Variants in DDRGK1 observed in about 807,000 individuals in gnomAD.
DDRGK1 encodes the protein DDRGK domain-containing protein 1.
In DDRGK1, 38 loss-of-function variants were observed where a neutral mutation model predicts 45.8. The ratio of observed to expected loss-of-function variants is 0.83; its 90% CI spans 0.64 to 1.09. DDRGK1 has a LOEUF of 1.09. DDRGK1 is among the 50% of genes least tolerant of loss of function. DDRGK1 has a pLI of 0.00. For synonymous variants in DDRGK1, 171 were observed against 168.7 expected, an observed-to-expected ratio of 1.01 and a Z score of -0.11; for missense variants, 403 against 419.9, an observed-to-expected ratio of 0.96 and a Z score of 0.35.
chr20:3,194,990 C>T, intron 5 of DDRGK1, 122 bp from the exon 6 acceptor site: 1 of 1,403,044 alleles, frequency 7.1e-7, no homozygotes. Flanking sequence ...CTTTGGCCCG[C>T]CCAACCACCT....
intron 4 of DDRGK1, 83 bp downstream of exon 4, chr20:3,199,918 T>C (rs971826289): frequency 3.8e-6 from 5 of 1,305,698 alleles, no homozygotes; most frequent in Non-Finnish European, 5.2e-6. Flanking sequence ...ACCTTCTAGG[T>C]TGGAGGTGCC....
chr20:3,199,554 C>A (rs2067026615), intron 4 of DDRGK1, among the ~76,000 whole-genome samples: 1 of 152,182 alleles, frequency 6.6e-6, no homozygotes, highest in African/African-American at 2.4e-5. Flanking sequence ...AAGAAAGCAT[C>A]TGGCAAACAA....
chr20:3,201,577 C>T (rs1310337200), intron 2 of DDRGK1, among the ~76,000 whole-genome samples: 1 of 151,388 alleles, frequency 6.6e-6, no homozygotes, highest in South Asian at 2.1e-4. Flanking sequence ...TCACAGATAG[C>T]GCTGCCTGGA....
At chr20:3,203,452 A>C in intron 1 of DDRGK1, 36 bp from the exon 2 acceptor site, 1 of 1,488,148 alleles carries the variant, frequency 6.7e-7, no homozygotes, top group Non-Finnish European at 8.9e-7. Context: ...GCTGCCTATA[A>C]GCCCAGCCCG....
chr20:3,197,224 G>GAAA (rs34672443), intron 4 of DDRGK1, among the ~76,000 whole-genome samples: 93 of 74,476 alleles, frequency 1.2e-3, no homozygotes, highest in Non-Finnish European at 1.3e-3. Flanking sequence ...CTCCATCTCA[G>GAAA]AAAAAAAAAA....
rs2067057302 is a variant in DDRGK1 at position 3,204,521 on chromosome 20, C to T, written c.91+16G>A. On this transcript the variant is annotated intron_variant, in intron 1 of 8. Coordinates refer to ENST00000354488, the MANE Select transcript of DDRGK1 (RefSeq NM_023935.3). The stretch of plus-strand genomic sequence containing the variant: ...AAACCCGGTACCACCAACCCTGGTG[C>T]AGCGGCATCTCCTACCTGATGCCGC... The T allele has an allele frequency of 1.9e-6, 3 of 1,550,082 alleles. No homozygotes were observed. The highest frequency in any genetic ancestry group is 1.9e-5 in the Admixed American group (1 of 51,900).
At chr20:3,191,972 G>GACACAGACAC in intron 6 of DDRGK1, 151 bp from the exon 7 acceptor site, 1 of 561,514 alleles carries the variant, frequency 1.8e-6, no homozygotes, top group Non-Finnish European at 3.1e-6. Context: ...TTGCTCCCCT[G>GACACAGACAC]ACACACACAC....
chr20:3,191,848 A>C, intron 6 of DDRGK1, 27 bp from the exon 7 acceptor site: 2 of 1,594,278 alleles, frequency 1.3e-6, no homozygotes, highest in Non-Finnish European at 8.5e-7. Context: ...GAAAAGAAAG[A>C]GAGGCTGAGC....
At chr20:3,203,107 C>T in intron 2 of DDRGK1, 106 bp downstream of exon 2, 1 of 1,147,788 alleles carries the variant, frequency 8.7e-7, no homozygotes, top group Non-Finnish European at 1.2e-6. Context: ...CCAGACGTCC[C>T]TCCTACCCTG....
chr20:3,203,109 C>G, intron 2 of DDRGK1, 104 bp downstream of exon 2: 1 of 1,162,548 alleles, frequency 8.6e-7, no homozygotes, highest in South Asian at 1.7e-5. Context: ...AGACGTCCCT[C>G]CTACCCTGAG....
intron 4 of DDRGK1, among the ~76,000 whole-genome samples, chr20:3,198,326 C>T (rs2067020633): frequency 1.3e-5 from 2 of 150,292 alleles, no homozygotes; most frequent in East Asian, 3.9e-4. Context: ...GTCACTTGAA[C>T]CCAAGAGGCA....
chr20:3,200,588 T>C, intron 2 of DDRGK1, 134 bp from the exon 3 acceptor site: 1 of 742,532 alleles, frequency 1.3e-6, no homozygotes, highest in Admixed American at 2.4e-5. Context: ...AGCCCAGCTC[T>C]GCCCTCCAGA....
chr20:3,196,587 A>G (rs897368119), intron 4 of DDRGK1, among the ~76,000 whole-genome samples: 2 of 152,026 alleles, frequency 1.3e-5, no homozygotes, highest in Non-Finnish European at 2.9e-5. Flanking sequence ...AGGCTGAGGC[A>G]GGAGAATGGC....
chr20:3,191,891 C>T, intron 6 of DDRGK1, 70 bp from the exon 7 acceptor site: 2 of 1,498,234 alleles, frequency 1.3e-6, no homozygotes, highest in Non-Finnish European at 9.0e-7. Context: ...GGGCACCCTC[C>T]AGGTTTGCAT....
chr20:3,195,973 C>T lies in DDRGK1; in HGVS notation c.511-620G>A, dbSNP rs567669945. ...CTCCTGCTCCTTGGGCCATTCTTCCCGCCTCCTTCATCATTCAGCCCTGCC... is the reference window on the plus strand; with the variant it reads ...CTCCTGCTCCTTGGGCCATTCTTCCTGCCTCCTTCATCATTCAGCCCTGCC... On this transcript the variant is annotated intron_variant, in intron 4 of 8. Coordinates refer to ENST00000354488, the MANE Select transcript of DDRGK1 (RefSeq NM_023935.3). 5.3e-5 allele frequency among the ~76,000 whole-genome samples: 8 copies of T among 152,254 alleles called. No homozygotes were observed. In the East Asian group the frequency reaches 1.4e-3, roughly 26 times the overall value.
chr20:3,196,518 A>AG (rs397774837), intron 4 of DDRGK1, among the ~76,000 whole-genome samples: 2 of 78,482 alleles, frequency 2.5e-5, no homozygotes, highest in Non-Finnish European at 6.1e-5. Flanking sequence ...TCCACTAAAA[A>AG]TACAAAAAAA....
At chr20:3,193,056 C>T (rs532350693) in intron 6 of DDRGK1, among the ~76,000 whole-genome samples, 1 of 152,232 alleles carries the variant, frequency 6.6e-6, no homozygotes, top group South Asian at 2.1e-4. Flanking sequence ...CTGCTGGGGC[C>T]AAAACACGTT....
chr20:3,191,200 C>G lies in DDRGK1; in HGVS notation c.768G>C (p.Gly256=). The G allele has an allele frequency of 2.5e-6, 4 of 1,614,214 alleles. No individual in the cohort carries two copies. In the South Asian group the frequency reaches 4.4e-5, roughly 18 times the overall value. Residue 256 remains glycine (G), a synonymous_variant, in exon 8 of 9, where the codon GGG becomes GGC. Transcript: ENST00000354488. ...CTCTCATCATCTCACCTGTTATAGT[C>G]CCCTCAGCCAGCAGGTCCTGGATGC... ...INRIQDLLAE[G]TITGVIDDRG...
chr20:3,200,014 T>C lies in DDRGK1; in HGVS notation c.497A>G (p.Glu166Gly), dbSNP rs1195765959. 1 of 1,612,120 alleles carries C rather than the reference T, an allele frequency of 6.2e-7. No individual in the cohort carries two copies. The highest frequency in any genetic ancestry group is 8.5e-7 in the Non-Finnish European group (1 of 1,179,338). ...GGCTGGCCTCACCTTCTGCTCCTCC[T>C]CCAGGCGAAGCCGCTCCTCCTCCTT... is the stretch of plus-strand genomic sequence containing the variant. ...WKKEEERLRL[E>G]EEQKEEEERK... The change falls in exon 4 of 9, where the codon GAG (glutamate) becomes GGG (glycine). Residue 166 changes from glutamate (E) to glycine (G), a missense_variant. Glu to Gly is a moderately conservative substitution (Grantham distance 98, BLOSUM62 -2). Coordinates refer to ENST00000354488, the MANE Select transcript of DDRGK1 (RefSeq NM_023935.3).
Sources: gnomAD v4.1 joint callset for allele counts (sites outside exome capture counted in the v4.1 genomes callset) on GRCh38, gnomAD v4.1.1 for gene constraint, MANE v1.5 for transcripts, NCBI Gene and HGNC (gene_info 2026-07-23, HGNC 2026-07-21) for gene names.